OSBPL9: variants seen among roughly 807,000 people sequenced by gnomAD.
OSBPL9 encodes oxysterol binding protein like 9.
In OSBPL9, 40 loss-of-function variants were observed where a neutral mutation model predicts 106.6. That is an observed-to-expected ratio of 0.38 (90% CI 0.29 to 0.49). The LOEUF (loss-of-function observed/expected upper bound fraction) is 0.49, where lower values mean the gene tolerates loss of function less well. Among genes scored for constraint, OSBPL9 ranks in the 20% least tolerant of loss-of-function variants. The pLI is 0.97. For synonymous variants in OSBPL9, 269 were observed against 295.4 expected, an observed-to-expected ratio of 0.91 and a Z score of 0.92; for missense variants, 609 against 887.2, an observed-to-expected ratio of 0.69 and a Z score of 3.98.
chr1:51,540,972 A>G, the OSBPL9 span, among the ~76,000 whole-genome samples: 1 of 130,858 alleles, frequency 7.6e-6, no homozygotes, highest in African/African-American at 4.1e-5. Context: ...AAAAAAAAAC[A>G]AAAAAAAAAT....
intron 3 of OSBPL9, among the ~76,000 whole-genome samples, chr1:51,670,087 C>T (rs1009316421): frequency 1.3e-5 from 2 of 152,144 alleles, no homozygotes; most frequent in African/African-American, 2.4e-5. Flanking sequence ...TGCTATGTTT[C>T]GGCATTGCAT....
rs550911701 is a variant in OSBPL9, at chr1:51,607,255, G to T, written c.-352-7050G>T. Among the ~76,000 whole-genome samples, 14 of 147,870 alleles carry T rather than the reference G, an allele frequency of 9.5e-5. No homozygotes were observed. The South Asian group carries it at 3.0e-3, about 32-fold the overall frequency. On this transcript the variant is annotated intron_variant, in intron 2 of 25. Coordinates refer to the OSBPL9 transcript ENST00000371714. Reference sequence around the variant, plus strand: ...CTCAGCACTGCAACCTCCCTCTCCTGGATTCAAGTGATTCTCCTGCCTCAT... The same window carrying T: ...CTCAGCACTGCAACCTCCCTCTCCTTGATTCAAGTGATTCTCCTGCCTCAT...
intron 6 of OSBPL9, 103 bp from the exon 7 acceptor site, chr1:51,748,266 T>A (rs1375436141): frequency 1.5e-6 from 2 of 1,377,456 alleles, no homozygotes; most frequent in Non-Finnish European, 1.9e-6. Flanking sequence ...TCACTTAGAA[T>A]GAGTACATTT....
At chr1:51,593,420 C>G (rs558530853) in intron 1 of OSBPL9, among the ~76,000 whole-genome samples, 4 of 152,222 alleles carry the variant, frequency 2.6e-5, no homozygotes, top group African/African-American at 9.6e-5. Flanking sequence ...AGGTCAGGCT[C>G]CCTAACCCCC....
intron 3 of OSBPL9, among the ~76,000 whole-genome samples, chr1:51,698,544 T>C (rs2148846956): frequency 6.6e-6 from 1 of 152,308 alleles, no homozygotes; most frequent in East Asian, 1.9e-4. Flanking sequence ...GTACTTCTTA[T>C]TGTGGGTCGC....
At chr1:51,739,396 AT>A (rs1049575113) in intron 4 of OSBPL9, among the ~76,000 whole-genome samples, 17 of 152,074 alleles carry the variant, frequency 1.1e-4, no homozygotes, top group Admixed American at 7.9e-4. Flanking sequence ...TTTAATATAC[AT>A]TGTGCATCCA....
upstream of OSBPL9, among the ~76,000 whole-genome samples, chr1:51,575,385 A>G (rs935558587): frequency 7.7e-6 from 1 of 129,534 alleles, no homozygotes; most frequent in African/African-American, 3.1e-5. Context: ...TTTTTTTTGT[A>G]TTTTTAGTAG....
chr1:51,759,147 T>C (rs1372839228), intron 9 of OSBPL9, among the ~76,000 whole-genome samples: 1 of 151,674 alleles, frequency 6.6e-6, no homozygotes, highest in Admixed American at 6.6e-5. Flanking sequence ...GTTTTGGGGG[T>C]GTTTTCTCTA....
At chr1:51,592,059 G>A (rs1419652951) in intron 1 of OSBPL9, among the ~76,000 whole-genome samples, 1 of 140,384 alleles carries the variant, frequency 7.1e-6, no homozygotes, top group Non-Finnish European at 1.5e-5. Context: ...ATTTTGGGTT[G>A]ATTTCTTCAA....
chr1:51,674,599 T>C (rs1650724537), intron 3 of OSBPL9, among the ~76,000 whole-genome samples: 1 of 152,200 alleles, frequency 6.6e-6, no homozygotes, highest in Non-Finnish European at 1.5e-5. Context: ...GAACTAGAAG[T>C]TGAAAATATG....
intron 3 of OSBPL9, among the ~76,000 whole-genome samples, chr1:51,690,428 A>G (rs774922797): frequency 1.3e-5 from 2 of 152,224 alleles, no homozygotes; most frequent in Non-Finnish European, 1.5e-5. Context: ...GGGGAGGAAC[A>G]CTTGTGTAAA....
chr1:51,519,259 A>C, the OSBPL9 span: 1 of 1,091,640 alleles, frequency 9.2e-7, no homozygotes, highest in East Asian at 8.0e-5. Flanking sequence ...AGGGAGGGGA[A>C]GGAAGACGGG....
At chr1:51,605,408 T>C (rs759876841) in intron 2 of OSBPL9, among the ~76,000 whole-genome samples, 4 of 151,866 alleles carry the variant, frequency 2.6e-5, no homozygotes, top group Non-Finnish European at 5.9e-5. Context: ...CTGGGCAACA[T>C]AGTGAGACCC....
upstream of OSBPL9, among the ~76,000 whole-genome samples, chr1:51,575,531 C>G (rs189687707): frequency 3.7e-4 from 56 of 152,078 alleles, no homozygotes; most frequent in Non-Finnish European, 6.0e-4. Context: ...AGGTTTATTA[C>G]CTTATCTCTA....
rs187373627 is a variant in OSBPL9, at chr1:51,608,366, C to T, written c.-352-5939C>T. ...AGAGTGCAGTGGTGCAATCTCAGCT[C>T]ACTGCAAGCTCTGACTCCTGGGTTC... On this transcript the variant is annotated intron_variant, in intron 2 of 25. Transcript: ENST00000371714. 5.5e-3 allele frequency among the ~76,000 whole-genome samples: 841 copies of T among 152,312 alleles called. 3 individuals are homozygous for T. The highest frequency in any genetic ancestry group is 0.01 in the Middle Eastern group (3 of 294).
At chr1:51,741,895 A>G (rs997331218) in intron 4 of OSBPL9, among the ~76,000 whole-genome samples, 1 of 152,160 alleles carries the variant, frequency 6.6e-6, no homozygotes, top group Non-Finnish European at 1.5e-5. Context: ...AAGAGCAGCA[A>G]CCTCTTTGGT....
At chr1:51,559,147 C>T in the OSBPL9 span, among the ~76,000 whole-genome samples, 3 of 152,144 alleles carry the variant, frequency 2.0e-5, no homozygotes, top group East Asian at 5.8e-4. Flanking sequence ...GGGATCTGGG[C>T]TGCCAGAGCA....
intron 3 of OSBPL9, among the ~76,000 whole-genome samples, chr1:51,701,218 G>A (rs1359432572): frequency 6.6e-6 from 1 of 152,208 alleles, no homozygotes; most frequent in African/African-American, 2.4e-5. Context: ...GGGATTACAG[G>A]CGTGAGCCAC....
In OSBPL9 at chr1:51,720,313, T is replaced by C. The variant is rs534084030; in HGVS notation, c.318+6234T>C. On this transcript the variant is annotated intron_variant, in intron 4 of 23. Coordinates refer to ENST00000428468, the MANE Select transcript of OSBPL9 (RefSeq NM_024586.6). ...TTTAACTGAGTTGTATAGACCTTTA[T>C]GTTTCTTTCTTTTTCTCTTTTTTTT... Among the ~76,000 whole-genome samples, 12 of 152,066 alleles carry C rather than the reference T, an allele frequency of 7.9e-5. No individual in the cohort carries two copies. The South Asian group carries it at 1.7e-3, about 21-fold the overall frequency.
Sources: gnomAD v4.1 joint callset for allele counts (sites outside exome capture counted in the v4.1 genomes callset) on GRCh38, gnomAD v4.1.1 for gene constraint, MANE v1.5 for transcripts, NCBI Gene and HGNC (gene_info 2026-07-23, HGNC 2026-07-21) for gene names.